Variants in KCNIP4 observed in about 807,000 individuals in gnomAD.
KCNIP4 encodes potassium voltage-gated channel interacting protein 4.
In KCNIP4, 12 loss-of-function variants were observed where a neutral mutation model predicts 34.0. The ratio of observed to expected loss-of-function variants is 0.35; its 90% CI spans 0.23 to 0.57. KCNIP4 has a LOEUF of 0.57. KCNIP4 is among the 20% of genes least tolerant of loss of function. KCNIP4 has a pLI of 0.83. For missense variants in KCNIP4, 238 were observed against 311.7 expected (o/e 0.76, Z 1.78); for synonymous variants, 124 against 102.2 (o/e 1.21, Z -1.29).
intron 1 of KCNIP4, among the ~76,000 whole-genome samples, chr4:21,883,994 T>C (rs1444681747): frequency 1.3e-5 from 2 of 152,078 alleles, no homozygotes; most frequent in African/African-American, 2.4e-5. Context: ...GCTGGGAATA[T>C]AGTAGCAGGA....
chr4:20,963,612 A>T (rs1268951932), intron 1 of KCNIP4, among the ~76,000 whole-genome samples: 1 of 152,172 alleles, frequency 6.6e-6, no homozygotes, highest in Non-Finnish European at 1.5e-5. Context: ...TATTTAAGAG[A>T]AGAAATGCAA....
intron 1 of KCNIP4, among the ~76,000 whole-genome samples, chr4:21,024,110 T>G (rs970699163): frequency 2.0e-5 from 3 of 152,224 alleles, no homozygotes; most frequent in African/African-American, 7.2e-5. Context: ...TCATAGTTTC[T>G]GCTGCACAAT....
At chr4:21,128,429 G>C (rs1750792716) in intron 1 of KCNIP4, among the ~76,000 whole-genome samples, 1 of 152,186 alleles carries the variant, frequency 6.6e-6, no homozygotes, top group Non-Finnish European at 1.5e-5. Context: ...TCAGGAAAAA[G>C]AGCATTTGTC....
chr4:21,345,180 T>C (rs1717168021), intron 1 of KCNIP4, among the ~76,000 whole-genome samples: 1 of 152,098 alleles, frequency 6.6e-6, no homozygotes, highest in South Asian at 2.1e-4. Context: ...TCTTGGATCT[T>C]GCTCTGAAGG....
chr4:21,124,267 T>C (rs1750425431), intron 1 of KCNIP4, among the ~76,000 whole-genome samples: 1 of 152,186 alleles, frequency 6.6e-6, no homozygotes, highest in South Asian at 2.1e-4. Context: ...AAATCATGTA[T>C]TAATATTATT....
chr4:21,429,736 T>G (rs1296810450), intron 1 of KCNIP4, among the ~76,000 whole-genome samples: 2 of 152,218 alleles, frequency 1.3e-5, no homozygotes, highest in Non-Finnish European at 2.9e-5. Context: ...TTTTTTATTC[T>G]GATAATTTAT....
chr4:20,844,968 G>T (rs1024557698), intron 3 of KCNIP4, among the ~76,000 whole-genome samples: 1 of 152,178 alleles, frequency 6.6e-6, no homozygotes, highest in Non-Finnish European at 1.5e-5. Context: ...GCCAAACATG[G>T]AGGGTGGGGA....
Position 21,388,196 on chromosome 4 carries a change from C to T in KCNIP4, c.62-505487G>A, listed in dbSNP as rs554759409. 3.3e-5 allele frequency among the ~76,000 whole-genome samples: 5 copies of T among 150,368 alleles called. No homozygotes were observed. In the East Asian group the frequency reaches 7.8e-4, roughly 23 times the overall value. On this transcript the variant is annotated intron_variant, in intron 1 of 8. Transcript: ENST00000382152. ...AGTAAATTATAACGGATTACCATCA[C>T]TAAAATATATTTATTTTATAGTCTA...
At chr4:21,357,109 C>G (rs1718703623) in intron 1 of KCNIP4, among the ~76,000 whole-genome samples, 2 of 152,088 alleles carry the variant, frequency 1.3e-5, no homozygotes, top group South Asian at 4.1e-4. Flanking sequence ...AACTGGCTAG[C>G]CACATGTAGA....
chr4:21,358,333 T>A lies in KCNIP4; in HGVS notation c.62-475624A>T, dbSNP rs1016695692. On this transcript the variant is annotated intron_variant, in intron 1 of 8. Transcript: ENST00000382152. Reference sequence around the variant, plus strand: ...TAAAGTATAATAATAATAAAAAAAATCCTAAACAAAAATAAAAAGTGATTC... The same window carrying A: ...TAAAGTATAATAATAATAAAAAAAAACCTAAACAAAAATAAAAAGTGATTC... 2.0e-5 allele frequency among the ~76,000 whole-genome samples: 3 copies of A among 151,814 alleles called. No homozygotes were observed. In the East Asian group the frequency reaches 5.8e-4, roughly 30 times the overall value.
intron 1 of KCNIP4, among the ~76,000 whole-genome samples, chr4:21,336,584 C>T (rs1171405339): frequency 6.6e-6 from 1 of 152,072 alleles, no homozygotes; most frequent in African/African-American, 2.4e-5. Context: ...ACCAACAATA[C>T]ATGACTATGT....
chr4:21,451,891 GAA>G lies in KCNIP4; in HGVS notation c.61+496678_61+496679del, dbSNP rs1728534205. On this transcript the variant is annotated intron_variant, in intron 1 of 8. Coordinates refer to ENST00000382152, the MANE Select transcript of KCNIP4 (RefSeq NM_025221.6). ...ATTTAAGGAAAAGGAAACTAGAAGA[GAA>G]TAATTCTTAGGACATCTGAACATTC... is the stretch of plus-strand genomic sequence containing the variant. 6.6e-5 allele frequency among the ~76,000 whole-genome samples: 10 copies of G among 152,230 alleles called. 1 individual carries two copies. Among genetic ancestry groups the G allele is most frequent in the African/African-American group, 2.4e-4 (10 of 41,524 alleles).
At chr4:21,383,189 C>A (rs1304345595) in intron 1 of KCNIP4, among the ~76,000 whole-genome samples, 4 of 152,156 alleles carry the variant, frequency 2.6e-5, no homozygotes, top group Admixed American at 2.6e-4. Context: ...CTGCTGACAC[C>A]TTGATCTTGG....
chr4:21,716,378 A>C (rs1423319662), intron 1 of KCNIP4, among the ~76,000 whole-genome samples: 3 of 152,002 alleles, frequency 2.0e-5, no homozygotes, highest in Admixed American at 6.6e-5. Flanking sequence ...CTGTGATTAC[A>C]GGTGCATGCC....
At chr4:21,352,512 C>G (rs1578116334) in intron 1 of KCNIP4, among the ~76,000 whole-genome samples, 1 of 152,210 alleles carries the variant, frequency 6.6e-6, no homozygotes, top group Non-Finnish European at 1.5e-5. Context: ...GACCACGTAG[C>G]CTTGCTCACT....
At chr4:21,933,052 G>GAAAAAAAA (rs35062040) in intron 1 of KCNIP4, among the ~76,000 whole-genome samples, 1 of 100,028 alleles carries the variant, frequency 1.0e-5, no homozygotes, top group Non-Finnish European at 2.0e-5. Context: ...AAAGGTAAAC[G>GAAAAAAAA]AAAAAAAAAA....
intron 1 of KCNIP4, among the ~76,000 whole-genome samples, chr4:21,036,732 A>G (rs1393987388): frequency 3.3e-5 from 5 of 152,222 alleles, no homozygotes; most frequent in African/African-American, 1.2e-4. Context: ...CTCAAAAAAC[A>G]AACAAACAAA....
intron 1 of KCNIP4, among the ~76,000 whole-genome samples, chr4:21,220,648 A>G (rs980383690): frequency 6.6e-6 from 1 of 152,086 alleles, no homozygotes; most frequent in Admixed American, 6.6e-5. Flanking sequence ...TTTTTGTGCT[A>G]CTTGAGGCTG....
chr4:21,610,355 G>T (rs1744055796), intron 1 of KCNIP4, among the ~76,000 whole-genome samples: 1 of 152,170 alleles, frequency 6.6e-6, no homozygotes, highest in South Asian at 2.1e-4. Flanking sequence ...TCTTCACATT[G>T]TCTTCCTTCT....
Sources: allele counts gnomAD v4.1 joint callset (sites outside exome capture counted in the v4.1 genomes callset), GRCh38; gene constraint gnomAD v4.1.1; transcripts MANE v1.5; gene names NCBI Gene and HGNC (gene_info 2026-07-23, HGNC 2026-07-21).